The following CFAP61 variants were observed in gnomAD, a reference collection of about 807,000 sequenced individuals.
CFAP61 encodes the protein cilia- and flagella-associated protein 61.
In CFAP61, 107 loss-of-function variants were observed where a neutral mutation model predicts 135.6. The observed-to-expected ratio is 0.79, with a 90% CI of 0.67 to 0.93. The LOEUF is 0.93. CFAP61 is among the 40% of genes least tolerant of loss of function. The pLI is 0.00. For synonymous variants in CFAP61, 575 were observed against 578.5 expected (o/e 0.99, Z 0.09); for missense variants, 1,507 against 1,556.2 (o/e 0.97, Z 0.53).
chr20:20,052,689 G>A, intron 1 of CFAP61, 98 bp downstream of exon 1: 1 of 1,612,838 alleles, frequency 6.2e-7, no homozygotes, highest in Non-Finnish European at 8.5e-7. Context: ...GGATGACCAG[G>A]CGAGGACGAG....
intron 26 of CFAP61, among the ~76,000 whole-genome samples, chr20:20,347,524 C>T (rs2058674951): frequency 6.6e-6 from 1 of 152,048 alleles, no homozygotes; most frequent in African/African-American, 2.4e-5. Flanking sequence ...GTTAGAAATA[C>T]AAGTGGGGAC....
At chr20:20,304,149 G>A (rs1428645214) in intron 25 of CFAP61, among the ~76,000 whole-genome samples, 3 of 152,102 alleles carry the variant, frequency 2.0e-5, no homozygotes, top group East Asian at 1.9e-4. Context: ...CACAGTAAGC[G>A]AAGTGTCTGC....
chr20:20,120,512 T>C (rs73605587), intron 8 of CFAP61, among the ~76,000 whole-genome samples: 12,123 of 152,278 alleles, frequency 0.08, 1,410 homozygotes, highest in East Asian at 0.6. Flanking sequence ...TTCTACTTTT[T>C]TGAATTTGTT....
intron 21 of CFAP61, among the ~76,000 whole-genome samples, chr20:20,274,571 G>T (rs2053597561): frequency 6.6e-6 from 1 of 152,130 alleles, no homozygotes. Flanking sequence ...TGAGGTGGGA[G>T]AATGGCTTGA....
At position 20,237,002 on chromosome 20, in the gene CFAP61, T is replaced by C. The variant is rs541619731; in HGVS notation, c.2060+8626T>C. Among the ~76,000 whole-genome samples, 125 of 152,352 alleles carry C rather than the reference T, an allele frequency of 8.2e-4. 1 individual carries two copies. In the South Asian group the frequency reaches 0.024, roughly 30 times the overall value. ...ATCATTAATCATTTCCCCTAAATTATAAAGGAAAGCTCAATTTCATTTTCA... is the reference window on the plus strand; with the variant it reads ...ATCATTAATCATTTCCCCTAAATTACAAAGGAAAGCTCAATTTCATTTTCA... On this transcript the variant is annotated intron_variant, in intron 18 of 26. Coordinates refer to ENST00000245957, the MANE Select transcript of CFAP61 (RefSeq NM_015585.4).
chr20:20,359,938 C>T lies in CFAP61; in HGVS notation c.3514-272C>T, dbSNP rs1018137923. The stretch of plus-strand genomic sequence containing the variant: ...TTAATGGAGACAGCGTTTCAGCTGA[C>T]GAAGATGAGAAAGTCCTGGAGATGG... On this transcript the variant is annotated intron_variant, in intron 26 of 26. Transcript: ENST00000245957. This position sits in a 1 kb window ranked among gnomAD's most constrained non-coding sequence, Gnocchi z 4.0. Among the ~76,000 whole-genome samples, 1 of 151,974 alleles carries T rather than the reference C, an allele frequency of 6.6e-6. No individual in the cohort carries two copies. Among genetic ancestry groups the T allele is most frequent in the Admixed American group, 6.6e-5 (1 of 15,246 alleles).
chr20:20,288,663 A>G lies in CFAP61; in HGVS notation c.2851A>G (p.Asn951Asp), dbSNP rs1368821986. 1 of 1,614,160 alleles carries G rather than the reference A, an allele frequency of 6.2e-7. No individual in the cohort carries two copies. The highest frequency in any genetic ancestry group is 1.7e-5 in the Admixed American group (1 of 60,028). The change falls in exon 23 of 27, where the codon AAT (asparagine) becomes GAT (aspartate). Residue 951 changes from asparagine to aspartate, a missense_variant. Physicochemically the swap from Asn to Asp is conservative, Grantham distance 23. Transcript: ENST00000245957. The stretch of plus-strand genomic sequence containing the variant: ...GGATTATGAAACGTTTAAAGCCCTC[A>G]ATGATGCATGTCTTGTGTATGACAG... ...NVDYETFKAL[N>D]DACLVYDSRL...
At chr20:20,328,392 CA>C (rs1032230554) in intron 25 of CFAP61, among the ~76,000 whole-genome samples, 1 of 152,134 alleles carries the variant, frequency 6.6e-6, no homozygotes, top group East Asian at 1.9e-4. Flanking sequence ...GTGATATATA[CA>C]ACTGCTTACT....
rs577435464 is a variant in CFAP61, at chr20:20,114,454, CTATAATGTTT to C, written c.859+15645_859+15654del. 4.5e-3 allele frequency among the ~76,000 whole-genome samples: 683 copies of C among 152,150 alleles called. 4 individuals are homozygous for C. Among genetic ancestry groups the C allele is most frequent in the African/African-American group, 0.016 (649 of 41,516 alleles). Reference sequence around the variant, plus strand: ...GATAATTAAGTGTCTTAGTTTCCTCCTATAATGTTTTATAGATTTTTATAGAGAGGCTTCG... The same window carrying C: ...GATAATTAAGTGTCTTAGTTTCCTCCTATAGATTTTTATAGAGAGGCTTCG... On this transcript the variant is annotated intron_variant, in intron 8 of 26. Coordinates refer to ENST00000245957, the MANE Select transcript of CFAP61 (RefSeq NM_015585.4).
At position 20,196,658 on chromosome 20, in the gene CFAP61, A is replaced by G. The variant is rs1396731458; in HGVS notation, c.1679A>G (p.His560Arg). 1.2e-6 allele frequency: 2 copies of G among 1,613,944 alleles called. No individual in the cohort carries two copies. Among genetic ancestry groups the G allele is most frequent in the Non-Finnish European group, 1.7e-6 (2 of 1,179,848 alleles). The change falls in exon 16 of 27, where the codon CAC (histidine) becomes CGC (arginine). Residue 560 changes from histidine to arginine, a missense_variant. Transcript: ENST00000245957. The part of the protein sequence containing the change: ...HQREEHGHMH[H>R]FALNPIFRHY... ...CGCGAAGAACACGGGCACATGCATC[A>G]CTTTGCCCTCAACCCCATTTTCCGG...
At chr20:20,336,047 A>G (rs2058176153) in intron 25 of CFAP61, among the ~76,000 whole-genome samples, 1 of 152,188 alleles carries the variant, frequency 6.6e-6, no homozygotes, top group Admixed American at 6.5e-5. Flanking sequence ...ATGAAATGAG[A>G]TAATGCACAG....
intron 25 of CFAP61, among the ~76,000 whole-genome samples, chr20:20,339,679 C>T (rs966116239): frequency 1.3e-5 from 2 of 151,960 alleles, no homozygotes; most frequent in African/African-American, 4.8e-5. Flanking sequence ...ATGGGGGTCT[C>T]ACTGTGTTAT....
chr20:20,217,031 A>C (rs1459265079), intron 17 of CFAP61, among the ~76,000 whole-genome samples: 1 of 152,198 alleles, frequency 6.6e-6, no homozygotes, highest in Non-Finnish European at 1.5e-5. Context: ...ATTTAAAAAG[A>C]AGGTGGATTT....
At chr20:20,098,209 C>CT (rs1318718372) in intron 7 of CFAP61, among the ~76,000 whole-genome samples, 1 of 152,158 alleles carries the variant, frequency 6.6e-6, no homozygotes, top group Non-Finnish European at 1.5e-5. Flanking sequence ...AAGGAAGACA[C>CT]TTATTCCTCC....
At chr20:20,098,622 A>AAAAG in intron 7 of CFAP61, 33 bp from the exon 8 acceptor site, 1 of 1,529,006 alleles carries the variant, frequency 6.5e-7, no homozygotes, top group East Asian at 2.3e-5. Flanking sequence ...AAAAAAAAAA[A>AAAAG]AAAAGAATAA....
At chr20:20,268,994 T>C (rs2053042603) in intron 21 of CFAP61, among the ~76,000 whole-genome samples, 1 of 151,656 alleles carries the variant, frequency 6.6e-6, no homozygotes, top group Non-Finnish European at 1.5e-5. Flanking sequence ...TTATGTTATA[T>C]CTAATATATT....
intron 17 of CFAP61, chr20:20,226,269 ATTTTCAC>A (rs1056091337): frequency 6.6e-6 from 1 of 152,056 alleles, no homozygotes; most frequent in African/African-American, 2.4e-5. Context: ...AAGTATTCCT[ATTTTCAC>A]TTACCTTTCA....
intron 8 of CFAP61, among the ~76,000 whole-genome samples, chr20:20,125,901 A>G (rs755103323): frequency 6.6e-6 from 1 of 151,760 alleles, no homozygotes; most frequent in African/African-American, 2.4e-5. Flanking sequence ...CTCCAGTGTT[A>G]AGTGCATATA....
At chr20:20,208,915 C>T (rs2047429043) in intron 17 of CFAP61, among the ~76,000 whole-genome samples, 3 of 152,312 alleles carry the variant, frequency 2.0e-5, no homozygotes, top group South Asian at 2.1e-4. Flanking sequence ...GGACAAGGCA[C>T]CCCCTCCATC....
Sources: allele counts gnomAD v4.1 joint callset (sites outside exome capture counted in the v4.1 genomes callset), GRCh38; gene constraint gnomAD v4.1.1; non-coding constraint Gnocchi (gnomAD v3.1); transcripts MANE v1.5; gene names NCBI Gene and HGNC (gene_info 2026-07-23, HGNC 2026-07-21).